The following FGF12 variants were observed in gnomAD, a reference collection of about 807,000 sequenced individuals.
FGF12 encodes the protein fibroblast growth factor 12B.
A neutral mutation model predicts 23.6 loss-of-function variants in FGF12; 14 were observed. That is an observed-to-expected ratio of 0.59 (90% CI 0.39 to 0.93). FGF12 has a LOEUF of 0.93. Ranked by LOEUF, FGF12 falls within the 40% of genes least tolerant of loss-of-function variation. The probability of loss-of-function intolerance (pLI) is 0.00; values close to 1 mark genes in which losing one functional copy is unlikely to be tolerated. For missense variants in FGF12, 175 were observed against 217.8 expected (o/e 0.80, Z 1.24); for synonymous variants, 62 against 77.3 (o/e 0.80, Z 1.04).
At chr3:192,364,290 T>C (rs1718873387) in intron 2 of FGF12, among the ~76,000 whole-genome samples, 1 of 152,230 alleles carries the variant, frequency 6.6e-6, no homozygotes, top group Non-Finnish European at 1.5e-5. Context: ...TCTATGAAGC[T>C]AATATTTTCC....
At chr3:192,411,259 T>G (rs976120303) in intron 2 of FGF12, among the ~76,000 whole-genome samples, 2 of 152,130 alleles carry the variant, frequency 1.3e-5, no homozygotes, top group Non-Finnish European at 2.9e-5. Context: ...CACCCTACCA[T>G]GCCCGGGGGC....
chr3:192,233,846 C>T (rs1462950900), intron 4 of FGF12, among the ~76,000 whole-genome samples: 2 of 152,090 alleles, frequency 1.3e-5, no homozygotes, highest in Non-Finnish European at 2.9e-5. Context: ...TCAAAGATCA[C>T]ATGGTTGTAG....
At chr3:192,156,309 C>T (rs1438440860) in intron 5 of FGF12, among the ~76,000 whole-genome samples, 2 of 152,164 alleles carry the variant, frequency 1.3e-5, no homozygotes, top group African/African-American at 4.8e-5. Context: ...AAATTGGAAG[C>T]AAATCCTCTA....
chr3:192,176,675 G>T (rs1336706755), intron 4 of FGF12, among the ~76,000 whole-genome samples: 1 of 152,134 alleles, frequency 6.6e-6, no homozygotes, highest in East Asian at 1.9e-4. Context: ...TGAAGATTAA[G>T]TAAAATGACA....
intron 2 of FGF12, among the ~76,000 whole-genome samples, chr3:192,716,281 C>T (rs1039644737): frequency 4.6e-5 from 7 of 152,148 alleles, no homozygotes; most frequent in Non-Finnish European, 7.3e-5. Context: ...ACGATTCTGA[C>T]ATAAACAATG....
At chr3:192,508,949 T>G (rs1162414584) in intron 2 of FGF12, among the ~76,000 whole-genome samples, 1 of 152,170 alleles carries the variant, frequency 6.6e-6, no homozygotes, top group Non-Finnish European at 1.5e-5. Flanking sequence ...AGACTCCTAA[T>G]TACTTCATTT....
rs573682038 is a variant in FGF12, at chr3:192,179,705, C to T, written c.229-9049G>A. Among the ~76,000 whole-genome samples the T allele has an allele frequency of 7.2e-5, 11 of 151,956 alleles. No individual in the cohort carries two copies. The East Asian group carries it at 1.5e-3, about 21-fold the overall frequency. On this transcript the variant is annotated intron_variant, in intron 4 of 5. Coordinates refer to ENST00000445105, the MANE Select transcript of FGF12 (RefSeq NM_004113.6). ...GGATTACAGGTGTGTGCCACCACACCGGGCTAATTTTTATATTTTTAGTAG... is the reference window on the plus strand; with the variant it reads ...GGATTACAGGTGTGTGCCACCACACTGGGCTAATTTTTATATTTTTAGTAG...
At chr3:192,235,750 T>C (rs1353816773) in intron 4 of FGF12, among the ~76,000 whole-genome samples, 1 of 152,202 alleles carries the variant, frequency 6.6e-6, no homozygotes, top group Admixed American at 6.5e-5. Context: ...GGATATTCTT[T>C]CATTTTTATT....
intron 2 of FGF12, among the ~76,000 whole-genome samples, chr3:192,488,787 T>C (rs565721031): frequency 1.3e-5 from 2 of 152,170 alleles, no homozygotes; most frequent in East Asian, 1.9e-4. Context: ...AAGAACTTCA[T>C]ATGACCATCT....
intron 4 of FGF12, among the ~76,000 whole-genome samples, chr3:192,328,918 G>A (rs1716967050): frequency 6.6e-6 from 1 of 152,192 alleles, no homozygotes; most frequent in East Asian, 1.9e-4. Flanking sequence ...TACTGAGATT[G>A]CTTTGAGGAC....
chr3:192,573,365 T>G (rs1170737365), intron 2 of FGF12, among the ~76,000 whole-genome samples: 1 of 152,188 alleles, frequency 6.6e-6, no homozygotes, highest in Non-Finnish European at 1.5e-5. Context: ...ACGTTGTTTT[T>G]GGATGAGATT....
intron 2 of FGF12, among the ~76,000 whole-genome samples, chr3:192,694,636 G>A (rs867210883): frequency 2.6e-5 from 4 of 151,400 alleles, no homozygotes; most frequent in African/African-American, 4.9e-5. Flanking sequence ...ATACGTATAC[G>A]TACATATATA....
At position 192,352,725 on chromosome 3, in the gene FGF12, A is replaced by G. The variant is rs537687340; in HGVS notation, c.124+7703T>C. On this transcript the variant is annotated intron_variant, in intron 3 of 5. Coordinates refer to ENST00000445105, the MANE Select transcript of FGF12 (RefSeq NM_004113.6). Reference sequence around the variant, plus strand: ...TTTAAGGAATCAAACCATTTAAACTACACAACAGCCCTATGATCTAAATAT... The same window carrying G: ...TTTAAGGAATCAAACCATTTAAACTGCACAACAGCCCTATGATCTAAATAT... 9.8e-5 allele frequency among the ~76,000 whole-genome samples: 15 copies of G among 152,324 alleles called. No homozygotes were observed. The East Asian group carries it at 2.7e-3, about 27-fold the overall frequency.
At chr3:192,471,497 T>A (rs898643376) in intron 2 of FGF12, among the ~76,000 whole-genome samples, 6 of 152,230 alleles carry the variant, frequency 3.9e-5, no homozygotes, top group African/African-American at 1.4e-4. Context: ...TACATTCATA[T>A]ACTTTTTAGA....
At chr3:192,498,328 T>A (rs1043327946) in intron 2 of FGF12, among the ~76,000 whole-genome samples, 6 of 152,208 alleles carry the variant, frequency 3.9e-5, no homozygotes, top group Non-Finnish European at 8.8e-5. Flanking sequence ...CAAAATTATG[T>A]CTAAATGTGT....
chr3:192,456,295 A>G (rs1363217758), intron 2 of FGF12, among the ~76,000 whole-genome samples: 2 of 152,216 alleles, frequency 1.3e-5, no homozygotes, highest in African/African-American at 4.8e-5. Flanking sequence ...TGGAAAACCA[A>G]ATTTGTTATG....
At position 192,724,067 on chromosome 3, in the gene FGF12, A is replaced by AGAAGGAAGGAAGAAAG. The variant is rs112329912; in HGVS notation, c.13+3098_13+3113dup. ...GAAGGGAAAGGGAGGGAAGAGGGAA[A>AGAAGGAAGGAAGAAAG]GAAGGAAGGAAGAAAGGAAGGAAGG... is the stretch of plus-strand genomic sequence containing the variant. On this transcript the variant is annotated intron_variant, in intron 2 of 5. Transcript: ENST00000445105. Among the ~76,000 whole-genome samples the AGAAGGAAGGAAGAAAG allele has an allele frequency of 2.0e-4, 30 of 146,418 alleles. No individual in the cohort carries two copies. The East Asian group carries it at 4.6e-3, about 23-fold the overall frequency.
intron 4 of FGF12, among the ~76,000 whole-genome samples, chr3:192,235,331 C>T (rs889552710): frequency 9.2e-5 from 14 of 152,024 alleles, no homozygotes; most frequent in African/African-American, 3.1e-4. Flanking sequence ...TTTTTTGAGA[C>T]GGAGTCTCCC....
chr3:192,390,008 C>T (rs549253166), intron 2 of FGF12, among the ~76,000 whole-genome samples: 25 of 152,206 alleles, frequency 1.6e-4, no homozygotes, highest in Non-Finnish European at 3.5e-4. Context: ...TAGTCGCTGA[C>T]TTAGTTCACT....
Sources: allele counts gnomAD v4.1 joint callset (sites outside exome capture counted in the v4.1 genomes callset), GRCh38; gene constraint gnomAD v4.1.1; transcripts MANE v1.5; gene names NCBI Gene and HGNC (gene_info 2026-07-23, HGNC 2026-07-21).